Variants in ZCWPW2 observed in about 807,000 individuals in gnomAD.
ZCWPW2 encodes zinc finger CW-type PWWP domain protein 2.
Under a neutral mutation model 46.6 loss-of-function variants are expected in ZCWPW2, and 45 were observed. The observed-to-expected ratio is 0.96, with a 90% confidence interval of 0.76 to 1.24. The LOEUF is 1.24. ZCWPW2 is among the 50% of genes most tolerant of loss of function. ZCWPW2 has a pLI of 0.00. For synonymous variants in ZCWPW2, 152 were observed against 137.1 expected (o/e 1.11, Z -0.76); for missense variants, 429 against 403.9 (o/e 1.06, Z -0.53).
intron 4 of ZCWPW2, among the ~76,000 whole-genome samples, chr3:28,475,706 A>T (rs1400092949): frequency 6.6e-6 from 1 of 152,078 alleles, no homozygotes; most frequent in African/African-American, 2.4e-5. Context: ...ACTCTCCCAC[A>T]TTAGAGGATT....
At chr3:28,404,456 A>G (rs1312567784) in intron 2 of ZCWPW2, among the ~76,000 whole-genome samples, 2 of 152,190 alleles carry the variant, frequency 1.3e-5, no homozygotes, top group African/African-American at 4.8e-5. Context: ...CACTGTGGAA[A>G]ACAGTGTGGA....
chr3:28,368,634 G>A (rs1392596845), intron 1 of ZCWPW2, among the ~76,000 whole-genome samples: 5 of 152,042 alleles, frequency 3.3e-5, no homozygotes, highest in Non-Finnish European at 1.5e-5. Flanking sequence ...ACAATTATGT[G>A]TCTTGGAGTT....
chr3:28,379,459 T>A (rs916125547), intron 1 of ZCWPW2, among the ~76,000 whole-genome samples: 3 of 152,218 alleles, frequency 2.0e-5, no homozygotes, highest in Admixed American at 1.3e-4. Flanking sequence ...CTTAAGAATG[T>A]TACTGTGAAT....
At chr3:28,398,640 G>A (rs144560002) in intron 2 of ZCWPW2, among the ~76,000 whole-genome samples, 94 of 152,284 alleles carry the variant, frequency 6.2e-4, no homozygotes, top group African/African-American at 2.2e-3. Flanking sequence ...GTGGGAAAGG[G>A]AAATTGTCTG....
intron 4 of ZCWPW2, chr3:28,447,932 C>A: frequency 2.6e-6 from 2 of 765,704 alleles, no homozygotes; most frequent in African/African-American, 1.7e-5. Flanking sequence ...TTGTCCAAAA[C>A]AAAAAAACAT....
At chr3:28,414,063 G>T (rs1337820682) in intron 3 of ZCWPW2, among the ~76,000 whole-genome samples, 1 of 151,862 alleles carries the variant, frequency 6.6e-6, no homozygotes, top group Admixed American at 6.6e-5. Flanking sequence ...TTTAGCTAAG[G>T]TTTATTAAAT....
chr3:28,356,129 G>A (rs1015836211), intron 1 of ZCWPW2, among the ~76,000 whole-genome samples: 7 of 152,018 alleles, frequency 4.6e-5, no homozygotes, highest in Non-Finnish European at 7.4e-5. Flanking sequence ...ATCCAGAATC[G>A]ACGAAGAACT....
In ZCWPW2 at chr3:28,349,103, G is replaced by A; in HGVS notation, c.-234G>A. The A allele has an allele frequency of 2.0e-6, 2 of 985,732 alleles. No homozygotes were observed. Among genetic ancestry groups the A allele is most frequent in the South Asian group, 9.4e-5 (2 of 21,312 alleles). The allele number at this position is 985,732 out of a possible 1,614,324, so 61.1% of individuals were successfully genotyped here. ...CAGGTTCGGTCGTGGGGGTGGGGAA[G>A]TGCAGGAGTGGCGCGCGGCGTACTA... On this transcript the variant is annotated 5_prime_UTR_variant, in exon 1 of 10. It adds an upstream start codon to the 5' untranslated region. Coordinates refer to ENST00000383768, the MANE Select transcript of ZCWPW2 (RefSeq NM_001040432.4).
chr3:28,356,536 T>G (rs1447305246), intron 1 of ZCWPW2, among the ~76,000 whole-genome samples: 1 of 152,216 alleles, frequency 6.6e-6, no homozygotes, highest in South Asian at 2.1e-4. Flanking sequence ...ATCATGCTAC[T>G]CTAAAGACAC....
intron 2 of ZCWPW2, among the ~76,000 whole-genome samples, chr3:28,398,638 G>C (rs766336724): frequency 3.3e-5 from 5 of 152,174 alleles, no homozygotes; most frequent in Non-Finnish European, 7.3e-5. Context: ...AAGTGGGAAA[G>C]GGAAATTGTC....
chr3:28,443,230 C>G (rs1276433913), intron 4 of ZCWPW2, among the ~76,000 whole-genome samples: 1 of 152,094 alleles, frequency 6.6e-6, no homozygotes, highest in Non-Finnish European at 1.5e-5. Flanking sequence ...CTAGTAGTCC[C>G]TGAAATTTCT....
chr3:28,448,772 G>T (rs1698100752), intron 4 of ZCWPW2, among the ~76,000 whole-genome samples: 3 of 82,832 alleles, frequency 3.6e-5, no homozygotes, highest in Non-Finnish European at 6.8e-5. Context: ...GCTACCAAGT[G>T]AGACTCTGTC....
At chr3:28,401,653 G>A (rs1392454078) in intron 2 of ZCWPW2, among the ~76,000 whole-genome samples, 1 of 152,038 alleles carries the variant, frequency 6.6e-6, no homozygotes, top group African/African-American at 2.4e-5. Context: ...AGCAGCACAT[G>A]GAACTTTCTC....
intron 4 of ZCWPW2, among the ~76,000 whole-genome samples, chr3:28,462,431 A>G (rs893598918): frequency 3.9e-5 from 6 of 152,238 alleles, no homozygotes; most frequent in Non-Finnish European, 8.8e-5. Flanking sequence ...GCTGAAGAGC[A>G]GTGATCTGCC....
intron 4 of ZCWPW2, among the ~76,000 whole-genome samples, chr3:28,473,697 TGAA>T (rs1191907215): frequency 1.3e-5 from 2 of 152,192 alleles, no homozygotes; most frequent in Non-Finnish European, 2.9e-5. Flanking sequence ...TATTCAGCTA[TGAA>T]GAAGAAGGAG....
At chr3:28,507,915 T>C (rs1700321114) in intron 6 of ZCWPW2, among the ~76,000 whole-genome samples, 2 of 152,168 alleles carry the variant, frequency 1.3e-5, no homozygotes, top group Non-Finnish European at 2.9e-5. Flanking sequence ...TTTGTAATTC[T>C]GTGTTTTCAC....
chr3:28,349,409 C>T (rs1170434746), intron 1 of ZCWPW2, among the ~76,000 whole-genome samples: 1 of 152,170 alleles, frequency 6.6e-6, no homozygotes, highest in Non-Finnish European at 1.5e-5. Context: ...CCTCTGTAGC[C>T]TCTGTTTTCT....
intron 3 of ZCWPW2, among the ~76,000 whole-genome samples, chr3:28,434,425 A>G (rs1474324916): frequency 6.6e-6 from 1 of 152,258 alleles, no homozygotes; most frequent in Admixed American, 6.5e-5. Context: ...AAAATGAAAC[A>G]TATCAATAAA....
intron 1 of ZCWPW2, among the ~76,000 whole-genome samples, chr3:28,388,722 T>C (rs1464070635): frequency 6.6e-6 from 1 of 152,218 alleles, no homozygotes; most frequent in Non-Finnish European, 1.5e-5. Context: ...CATGTAGTCA[T>C]AACTGGCACC....
Sources: allele counts gnomAD v4.1 joint callset (sites outside exome capture counted in the v4.1 genomes callset), GRCh38; gene constraint gnomAD v4.1.1; transcripts MANE v1.5; gene names NCBI Gene and HGNC (gene_info 2026-07-23, HGNC 2026-07-21).